The following CSTPP1 variants were observed in gnomAD, a reference collection of about 807,000 sequenced individuals.
CSTPP1 encodes centriolar satellite-associated tubulin polyglutamylase complex regulator 1, also known as UPF0705 protein C11orf49.
chr11:46,937,997 C>G, the CSTPP1 span, among the ~76,000 whole-genome samples: 1 of 152,098 alleles, frequency 6.6e-6, no homozygotes. Flanking sequence ...GCCTCAGCCT[C>G]CCGAGTAGTT....
the CSTPP1 span, among the ~76,000 whole-genome samples, chr11:47,144,213 A>T: frequency 6.6e-6 from 1 of 152,016 alleles, no homozygotes; most frequent in Admixed American, 6.6e-5. Context: ...TTTTTAGATG[A>T]AGTCTTGCTC....
chr11:47,137,168 G>A, the CSTPP1 span: 4 of 813,526 alleles, frequency 4.9e-6, no homozygotes, highest in Non-Finnish European at 5.2e-6. Flanking sequence ...TTTCTATGCT[G>A]TACTCTTCTC....
At chr11:47,137,401 A>C in the CSTPP1 span, 1 of 1,503,496 alleles carries the variant, frequency 6.7e-7, no homozygotes, top group Non-Finnish European at 8.9e-7. Flanking sequence ...CAATTTTCAT[A>C]CCAGTGAAGC....
the CSTPP1 span, among the ~76,000 whole-genome samples, chr11:46,955,991 C>A: frequency 5.2e-3 from 777 of 149,184 alleles, 9 homozygotes; most frequent in African/African-American, 0.017. Flanking sequence ...CATCCACCCC[C>A]CCCCCCCCAC....
At chr11:47,100,907 T>A in the CSTPP1 span, among the ~76,000 whole-genome samples, 1 of 152,172 alleles carries the variant, frequency 6.6e-6, no homozygotes, top group African/African-American at 2.4e-5. Context: ...TCATAAGGAA[T>A]GGATTAGGTG....
the CSTPP1 span, chr11:47,109,307 AC>A: frequency 6.6e-6 from 1 of 151,612 alleles, no homozygotes; most frequent in African/African-American, 2.4e-5. Context: ...CTTCACATCT[AC>A]CCCTTTGGCT....
the CSTPP1 span, among the ~76,000 whole-genome samples, chr11:47,135,141 TAAA>T: frequency 6.6e-6 from 1 of 151,582 alleles, no homozygotes; most frequent in African/African-American, 2.4e-5. Context: ...AAATTTAAAA[TAAA>T]AAAAACTCAG....
At chr11:46,942,785 T>G in the CSTPP1 span, among the ~76,000 whole-genome samples, 1 of 152,224 alleles carries the variant, frequency 6.6e-6, no homozygotes, top group Non-Finnish European at 1.5e-5. Context: ...CTTCTCATTT[T>G]ATAAATAAGG....
At chr11:47,009,294 T>C in the CSTPP1 span, among the ~76,000 whole-genome samples, 3 of 152,194 alleles carry the variant, frequency 2.0e-5, no homozygotes, top group South Asian at 6.2e-4. Context: ...TACTCTACTT[T>C]TATTGGAGGA....
the CSTPP1 span, chr11:47,157,750 G>C: frequency 1.3e-6 from 2 of 1,507,502 alleles, no homozygotes; most frequent in Non-Finnish European, 1.8e-6. Flanking sequence ...GAACCTGAAA[G>C]TATGGATGCA....
the CSTPP1 span, chr11:47,161,165 G>GCAATGGATGAAGAGCTGGAACGGC: frequency 6.2e-7 from 1 of 1,614,248 alleles, no homozygotes; most frequent in Non-Finnish European, 8.5e-7. Flanking sequence ...GCACGACCCA[G>GCAATGGATGAAGAGCTGGAACGGC]CAATGGATGA....
the CSTPP1 span, among the ~76,000 whole-genome samples, chr11:47,007,058 T>C: frequency 1.4e-5 from 2 of 142,510 alleles, no homozygotes; most frequent in Non-Finnish European, 3.0e-5. Context: ...CAGGCTGGAG[T>C]GCAGTAGCAC....
At chr11:46,956,992 TCTC>T in the CSTPP1 span, among the ~76,000 whole-genome samples, 4 of 151,726 alleles carry the variant, frequency 2.6e-5, no homozygotes, top group African/African-American at 7.3e-5. Context: ...TGATTACATT[TCTC>T]CTTTTTGAAC....
At chr11:47,086,164 G>A in the CSTPP1 span, among the ~76,000 whole-genome samples, 1 of 139,030 alleles carries the variant, frequency 7.2e-6, no homozygotes, top group Non-Finnish European at 1.5e-5. Flanking sequence ...GGAGTCGGGC[G>A]GATCACTTGA....
the CSTPP1 span, chr11:46,936,926 G>T: frequency 7.1e-7 from 1 of 1,415,256 alleles, no homozygotes; most frequent in Non-Finnish European, 9.3e-7. Flanking sequence ...GGAGGCGGGG[G>T]CGGGGTCTGA....
the CSTPP1 span, among the ~76,000 whole-genome samples, chr11:47,104,267 A>T: frequency 6.6e-6 from 1 of 152,156 alleles, no homozygotes. Context: ...AAGCTCCCTG[A>T]CACCCATGGG....
the CSTPP1 span, among the ~76,000 whole-genome samples, chr11:46,965,219 G>A: frequency 5.6e-5 from 8 of 141,708 alleles, no homozygotes; most frequent in Non-Finnish European, 7.6e-5. Flanking sequence ...AACACAAACA[G>A]CTTTTTTTTT....
chr11:46,942,929 A>G, the CSTPP1 span, among the ~76,000 whole-genome samples: 1 of 152,324 alleles, frequency 6.6e-6, no homozygotes, highest in Non-Finnish European at 1.5e-5. Flanking sequence ...AAAGATAAAA[A>G]CAAACCAAAA....
At chr11:47,119,522 A>G in the CSTPP1 span, among the ~76,000 whole-genome samples, 1 of 145,388 alleles carries the variant, frequency 6.9e-6, no homozygotes, top group Non-Finnish European at 1.5e-5. Context: ...TGCAGAAATC[A>G]CCCATCTTCG....
Sources: allele counts gnomAD v4.1 joint callset (sites outside exome capture counted in the v4.1 genomes callset), GRCh38; gene constraint gnomAD v4.1.1; transcripts MANE v1.5; gene names NCBI Gene and HGNC (gene_info 2026-07-23, HGNC 2026-07-21).